The following ZC3H3 variants were observed in gnomAD, a reference collection of about 807,000 sequenced individuals.
The protein encoded by ZC3H3 is zinc finger CCCH-type containing 3.
In ZC3H3, 36 loss-of-function variants were observed where a neutral mutation model predicts 77.3. That is an observed-to-expected ratio of 0.47 (90% CI 0.36 to 0.61). The LOEUF (loss-of-function observed/expected upper bound fraction) is 0.61. ZC3H3 is among the 20% of genes least tolerant of loss of function. The pLI, the probability that ZC3H3 is intolerant of heterozygous loss-of-function variation, is 0.00. For missense variants in ZC3H3, 1,331 were observed against 1,312.2 expected (o/e 1.01, Z -0.22); for synonymous variants, 626 against 555.2 (o/e 1.13, Z -1.79).
intron 4 of ZC3H3, among the ~76,000 whole-genome samples, chr8:143,478,229 C>A (rs539457863): frequency 6.6e-6 from 1 of 152,216 alleles, no homozygotes; most frequent in Non-Finnish European, 1.5e-5. Context: ...CTGACTGAGG[C>A]TCACATGGGG....
At chr8:143,512,300 C>A (rs931701498) in intron 3 of ZC3H3, among the ~76,000 whole-genome samples, 4 of 152,264 alleles carry the variant, frequency 2.6e-5, no homozygotes, top group Admixed American at 6.5e-5. Flanking sequence ...TTGTACACTG[C>A]CTGATCTGCT....
intron 9 of ZC3H3, among the ~76,000 whole-genome samples, chr8:143,447,018 G>A (rs1248956268): frequency 6.6e-6 from 1 of 152,262 alleles, no homozygotes; most frequent in Non-Finnish European, 1.5e-5. Context: ...TGTGCTTGCG[G>A]AGCTGACATG....
chr8:143,468,785 A>G, intron 5 of ZC3H3, 126 bp from the exon 6 acceptor site: 1 of 1,275,130 alleles, frequency 7.8e-7, no homozygotes, highest in Non-Finnish European at 1.1e-6. Flanking sequence ...CCTCCCCTCC[A>G]GGAAACTGCC....
intron 9 of ZC3H3, among the ~76,000 whole-genome samples, chr8:143,454,700 C>A (rs557729714): frequency 6.6e-6 from 1 of 152,094 alleles, no homozygotes; most frequent in East Asian, 1.9e-4. Flanking sequence ...CATGAGCCAC[C>A]GCGCCCAGCC....
Position 143,475,544 on chromosome 8 carries a change from C to G in ZC3H3, c.1757G>C (p.Gly586Ala), listed in dbSNP as rs747635591. 1.2e-6 allele frequency: 2 copies of G among 1,609,616 alleles called. No individual in the cohort carries two copies. The highest frequency in any genetic ancestry group is 1.7e-5 in the Admixed American group (1 of 59,426). The change falls in exon 5 of 12, where the codon GGT becomes GCT. Residue 586 changes from glycine (G) to alanine (A), a missense_variant. By Grantham distance (60) the Gly-to-Ala change is moderately conservative. Transcript: ENST00000262577. ...LNRLRPVASGGGKAQPGSPWW... is the reference protein window; with the variant it reads ...LNRLRPVASGAGKAQPGSPWW... ...AGGGGAGCCCGGTTGGGCTTTCCCA[C>G]CCCCGCTGGCAACTGGACGCAGGCG...
chr8:143,472,464 C>A (rs1049189262), intron 5 of ZC3H3, among the ~76,000 whole-genome samples: 2 of 152,208 alleles, frequency 1.3e-5, no homozygotes, highest in African/African-American at 4.8e-5. Flanking sequence ...CCACAGCCTC[C>A]CAGGGAGGAG....
At chr8:143,444,221 A>G (rs931133822) in intron 9 of ZC3H3, among the ~76,000 whole-genome samples, 2 of 151,912 alleles carry the variant, frequency 1.3e-5, no homozygotes, top group African/African-American at 4.8e-5. Flanking sequence ...TGATCCACCC[A>G]CCTCAGCCTC....
At chr8:143,519,786 A>G (rs1270065998) in intron 3 of ZC3H3, among the ~76,000 whole-genome samples, 1 of 152,140 alleles carries the variant, frequency 6.6e-6, no homozygotes, top group Non-Finnish European at 1.5e-5. Flanking sequence ...CCACCACTCC[A>G]TCCATGCACA....
intron 9 of ZC3H3, among the ~76,000 whole-genome samples, chr8:143,449,416 C>T (rs975722071): frequency 3.3e-5 from 5 of 152,202 alleles, no homozygotes; most frequent in African/African-American, 1.2e-4. Flanking sequence ...GAACACTTTG[C>T]TGCTTAGAAA....
chr8:143,504,410 C>T (rs977782729), intron 4 of ZC3H3, among the ~76,000 whole-genome samples: 8 of 152,178 alleles, frequency 5.3e-5, no homozygotes, highest in South Asian at 2.1e-4. Context: ...GCTGTGCAAG[C>T]TTCACTGCGG....
chr8:143,480,716 G>C (rs1378538452), intron 4 of ZC3H3, among the ~76,000 whole-genome samples: 1 of 152,220 alleles, frequency 6.6e-6, no homozygotes, highest in Non-Finnish European at 1.5e-5. Context: ...GGCCCTTTCA[G>C]GTCCTGCTCC....
chr8:143,467,912 G>C (rs1820455892), intron 8 of ZC3H3, among the ~76,000 whole-genome samples: 1 of 152,172 alleles, frequency 6.6e-6, no homozygotes, highest in African/African-American at 2.4e-5. Flanking sequence ...CTTCCCCTAG[G>C]CATGTGTAAG....
intron 4 of ZC3H3, among the ~76,000 whole-genome samples, chr8:143,504,995 C>A (rs2980271): frequency 0.028 from 4,217 of 152,322 alleles, 176 homozygotes; most frequent in African/African-American, 0.096. Flanking sequence ...CTCAGGGTGA[C>A]CAGATCTCCA....
intron 3 of ZC3H3, among the ~76,000 whole-genome samples, chr8:143,531,650 T>C (rs186957755): frequency 6.6e-6 from 1 of 152,394 alleles, no homozygotes; most frequent in Non-Finnish European, 1.5e-5. Flanking sequence ...TCCTCCTGTT[T>C]ATGCCTCTCA....
At chr8:143,470,133 C>T (rs528971907) in intron 5 of ZC3H3, among the ~76,000 whole-genome samples, 1 of 152,150 alleles carries the variant, frequency 6.6e-6, no homozygotes, top group Admixed American at 6.5e-5. Flanking sequence ...GAGCCCCCCC[C>T]ACTCCTCGCT....
At position 143,538,383 on chromosome 8, in the gene ZC3H3, G is replaced by A. The variant is rs936442352; in HGVS notation, c.984C>T (p.Leu328=). 1.2e-6 allele frequency: 2 copies of A among 1,613,056 alleles called. No individual in the cohort carries two copies. The highest frequency in any genetic ancestry group is 1.7e-6 in the Non-Finnish European group (2 of 1,180,050). Residue 328 remains leucine, a synonymous_variant, in exon 2 of 12, where the codon CTC becomes CTT. Coordinates refer to ENST00000262577, the MANE Select transcript of ZC3H3 (RefSeq NM_015117.3). ...SKSPRVARRA[L]SPRVAAENVC... ...CATTCTCTGCAGCCACTCTGGGACT[G>A]AGGGCCCTCCGAGCAACCCGGGGAC...
intron 9 of ZC3H3, among the ~76,000 whole-genome samples, chr8:143,459,457 G>C (rs976128341): frequency 1.7e-4 from 26 of 151,896 alleles, no homozygotes; most frequent in Admixed American, 1.6e-3. Flanking sequence ...GCTGAGGCAG[G>C]AGAATTGCTC....
At chr8:143,489,874 C>T (rs937202708) in intron 4 of ZC3H3, among the ~76,000 whole-genome samples, 2 of 152,126 alleles carry the variant, frequency 1.3e-5, no homozygotes, top group African/African-American at 2.4e-5. Flanking sequence ...GGGGAGTGGA[C>T]GGGGCAGCGG....
intron 3 of ZC3H3, among the ~76,000 whole-genome samples, chr8:143,529,083 G>A (rs1056505151): frequency 1.3e-5 from 2 of 152,268 alleles, no homozygotes; most frequent in South Asian, 2.1e-4. Flanking sequence ...CCCGAATGAG[G>A]GGAGCAAACT....
Sources: gnomAD v4.1 joint callset for allele counts (sites outside exome capture counted in the v4.1 genomes callset) on GRCh38, gnomAD v4.1.1 for gene constraint, MANE v1.5 for transcripts, NCBI Gene and HGNC (gene_info 2026-07-23, HGNC 2026-07-21) for gene names.